MGAT5: variants seen among roughly 807,000 people sequenced by gnomAD.
MGAT5 encodes alpha-1,6-mannosylglycoprotein 6-beta-N-acetylglucosaminyltransferase, also known as alpha-1,6-mannosylglycoprotein 6-beta-N-acetylglucosaminyltransferase A.
A neutral mutation model predicts 94.3 loss-of-function variants in MGAT5; 30 were observed. That is an observed-to-expected ratio of 0.32 (90% CI 0.24 to 0.43). MGAT5 has a LOEUF of 0.43. Among genes scored for constraint, MGAT5 ranks in the 20% least tolerant of loss-of-function variants. MGAT5 has a pLI of 1.00. For synonymous variants in MGAT5, 310 were observed against 322.9 expected, an observed-to-expected ratio of 0.96 and a Z score of 0.43; for missense variants, 691 against 905.5, an observed-to-expected ratio of 0.76 and a Z score of 3.04.
intron 1 of MGAT5, among the ~76,000 whole-genome samples, chr2:134,191,540 C>T (rs909784017): frequency 1.3e-5 from 2 of 148,680 alleles, no homozygotes; most frequent in Admixed American, 6.6e-5. Flanking sequence ...CTTGCGGGAG[C>T]GGGTTCCTGA....
At chr2:134,346,668 T>G (rs1411105789) in intron 8 of MGAT5, among the ~76,000 whole-genome samples, 8 of 152,150 alleles carry the variant, frequency 5.3e-5, no homozygotes, top group Admixed American at 5.2e-4. Context: ...GAACAAACCC[T>G]TGAGGCCAGT....
intron 12 of MGAT5, among the ~76,000 whole-genome samples, chr2:134,416,559 A>T (rs1683983794): frequency 6.7e-6 from 1 of 149,788 alleles, no homozygotes; most frequent in African/African-American, 2.5e-5. Context: ...GCAGTCTCAA[A>T]CTCCTGGGCT....
chr2:134,416,741 C>T (rs900638024), intron 12 of MGAT5, among the ~76,000 whole-genome samples: 2 of 149,278 alleles, frequency 1.3e-5, no homozygotes, highest in Non-Finnish European at 3.0e-5. Context: ...ATTACAGACA[C>T]ACCCCACCAC....
At chr2:134,392,473 A>C (rs1343618012) in intron 10 of MGAT5, among the ~76,000 whole-genome samples, 1 of 152,182 alleles carries the variant, frequency 6.6e-6, no homozygotes, top group Non-Finnish European at 1.5e-5. Context: ...TACCTGAATC[A>C]GAATCTCAAT....
chr2:134,244,002 TG>T (rs1360080147), intron 1 of MGAT5, among the ~76,000 whole-genome samples: 1 of 152,242 alleles, frequency 6.6e-6, no homozygotes, highest in Non-Finnish European at 1.5e-5. Context: ...CATTTTGGCC[TG>T]TTGTCATTCT....
intron 10 of MGAT5, among the ~76,000 whole-genome samples, chr2:134,369,484 C>G (rs190895546): frequency 1.5e-3 from 224 of 152,208 alleles, no homozygotes; most frequent in African/African-American, 5.2e-3. Context: ...TCCTCACTTG[C>G]ATAAATGAAG....
chr2:134,145,317 C>T (rs1273786129), intron 1 of MGAT5, among the ~76,000 whole-genome samples: 2 of 151,924 alleles, frequency 1.3e-5, no homozygotes, highest in Non-Finnish European at 2.9e-5. Context: ...GAGGCTGAGG[C>T]AGGCAGATCA....
chr2:134,356,074 G>A (rs764647252), intron 9 of MGAT5, among the ~76,000 whole-genome samples: 2 of 152,158 alleles, frequency 1.3e-5, no homozygotes, highest in African/African-American at 4.8e-5. Context: ...ATGCGTGTAT[G>A]TGTTAAGTAC....
chr2:134,315,016 C>T (rs999534756), intron 2 of MGAT5, among the ~76,000 whole-genome samples: 3 of 151,680 alleles, frequency 2.0e-5, no homozygotes, highest in African/African-American at 7.2e-5. Context: ...TAAATATTTA[C>T]TCTCTGTTTC....
At chr2:134,236,476 G>A (rs534744606) in intron 1 of MGAT5, among the ~76,000 whole-genome samples, 3 of 152,182 alleles carry the variant, frequency 2.0e-5, no homozygotes, top group East Asian at 1.9e-4. Context: ...TCACAGAGAC[G>A]GTTACCCTTA....
intron 12 of MGAT5, among the ~76,000 whole-genome samples, chr2:134,414,165 T>G (rs1211322887): frequency 6.8e-5 from 10 of 147,184 alleles, no homozygotes; most frequent in Admixed American, 4.7e-4. Flanking sequence ...GTGTGGTTTT[T>G]TTTTTTTTTC....
chr2:134,271,718 A>G (rs1338601140), intron 2 of MGAT5, among the ~76,000 whole-genome samples: 1 of 152,256 alleles, frequency 6.6e-6, no homozygotes, highest in Non-Finnish European at 1.5e-5. Context: ...TCAACCAAAC[A>G]AAGGTATTAA....
chr2:134,389,938 G>A (rs1055100884), intron 10 of MGAT5, among the ~76,000 whole-genome samples: 11 of 152,100 alleles, frequency 7.2e-5, no homozygotes, highest in Admixed American at 2.6e-4. Flanking sequence ...AGCTGAGAAC[G>A]TGAATAACTA....
In MGAT5 at chr2:134,313,013, T is replaced by G. The variant is rs535697997; in HGVS notation, c.407-4516T>G. ...CTCTCCCCTTTTTCCTTCCTTGCTC[T>G]GAGGCCACAGACAGCAAGAAATAAA... is the stretch of plus-strand genomic sequence containing the variant. On this transcript the variant is annotated intron_variant, in intron 2 of 15. Transcript: ENST00000281923. Among the ~76,000 whole-genome samples the G allele has an allele frequency of 4.0e-5, 6 of 151,402 alleles. No homozygotes were observed. In the East Asian group the frequency reaches 1.2e-3, roughly 29 times the overall value.
At chr2:134,355,203 C>T (rs1679655729) in intron 9 of MGAT5, among the ~76,000 whole-genome samples, 2 of 152,208 alleles carry the variant, frequency 1.3e-5, no homozygotes, top group African/African-American at 4.8e-5. Context: ...ATTACAAAAA[C>T]AGGGAAAGAC....
intron 1 of MGAT5, among the ~76,000 whole-genome samples, chr2:134,269,533 A>G (rs1683901627): frequency 6.6e-6 from 1 of 152,190 alleles, no homozygotes; most frequent in Non-Finnish European, 1.5e-5. Context: ...ACAAGTCAGT[A>G]TATCTTTCTG....
chr2:134,434,996 A>G (rs973010890), intron 14 of MGAT5, among the ~76,000 whole-genome samples: 2 of 152,154 alleles, frequency 1.3e-5, no homozygotes, highest in Admixed American at 6.5e-5. Flanking sequence ...TGAGTGTTTC[A>G]TGGGGATTTG....
At chr2:134,174,965 A>C (rs1341844385) in intron 1 of MGAT5, among the ~76,000 whole-genome samples, 1 of 152,160 alleles carries the variant, frequency 6.6e-6, no homozygotes, top group Non-Finnish European at 1.5e-5. Flanking sequence ...CAGAATCCCC[A>C]CGGTTGCACT....
In MGAT5 at chr2:134,390,544, GT is replaced by G. The variant is rs368499087; in HGVS notation, c.1381-12441del. On this transcript the variant is annotated intron_variant, in intron 10 of 15. Coordinates refer to ENST00000281923, the MANE Select transcript of MGAT5 (RefSeq NM_002410.5). ...AGGAATTATTTTTATTTCAATATAT[GT>G]TTCTTTTGTTTTCAGAAATTAAAGA... 4.4e-4 allele frequency among the ~76,000 whole-genome samples: 67 copies of G among 152,228 alleles called. 1 individual carries two copies. Among genetic ancestry groups the G allele is most frequent in the African/African-American group, 1.5e-3 (63 of 41,532 alleles).
Sources: gnomAD v4.1 joint callset for allele counts (sites outside exome capture counted in the v4.1 genomes callset) on GRCh38, gnomAD v4.1.1 for gene constraint, MANE v1.5 for transcripts, NCBI Gene and HGNC (gene_info 2026-07-23, HGNC 2026-07-21) for gene names.